Variants in HEATR5A observed in about 807,000 individuals in gnomAD.
HEATR5A encodes the protein HEAT repeat-containing protein 5A.
In HEATR5A, 178 loss-of-function variants were observed where a neutral mutation model predicts 218.8. The ratio of observed to expected loss-of-function variants is 0.81; its 90% CI spans 0.72 to 0.92. HEATR5A has a LOEUF of 0.92. Among genes scored for constraint, HEATR5A ranks in the 40% least tolerant of loss-of-function variants. The pLI, the probability that HEATR5A is intolerant of heterozygous loss-of-function variation, is 0.00. For missense variants in HEATR5A, 2,420 were observed against 2,418.9 expected, an observed-to-expected ratio of 1.00 and a Z score of -0.01; for synonymous variants, 864 against 871.6, an observed-to-expected ratio of 0.99 and a Z score of 0.15.
intron 6 of HEATR5A, among the ~76,000 whole-genome samples, chr14:31,393,837 C>T (rs1254600562): frequency 3.9e-5 from 6 of 152,038 alleles, no homozygotes; most frequent in East Asian, 1.9e-4. Flanking sequence ...TTAGTATAGA[C>T]GGGTCTCACC....
At position 31,359,013 on chromosome 14, in the gene HEATR5A, C is replaced by G; in HGVS notation, c.2116G>C (p.Ala706Pro). ...ILRELAADLT[A>P]PDIQVAASTF... ...GATGCTGCCACCTGAATATCAGGGG[C>G]AGTCAAGTCAGCAGCCAGCTCTCTG... is the stretch of plus-strand genomic sequence containing the variant. Residue 706 changes from alanine to proline, a missense_variant, in exon 15 of 36, where the codon GCC (alanine) becomes CCC (proline). Ala to Pro is a conservative substitution (Grantham distance 27, BLOSUM62 -1). Coordinates refer to ENST00000543095, the MANE Select transcript of HEATR5A (RefSeq NM_015473.4). The G allele has an allele frequency of 6.3e-7, 1 of 1,587,466 alleles. No individual in the cohort carries two copies. The highest frequency in any genetic ancestry group is 8.5e-7 in the Non-Finnish European group (1 of 1,173,928).
chr14:31,383,577 C>A lies in HEATR5A; in HGVS notation c.1540G>T (p.Ala514Ser). The A allele has an allele frequency of 1.2e-6, 2 of 1,613,968 alleles. No homozygotes were observed. Among genetic ancestry groups the A allele is most frequent in the South Asian group, 2.2e-5 (2 of 91,086 alleles). Reference protein sequence around the residue: ...AVTGFSFAVAALLGAVKHCPL... With the variant: ...AVTGFSFAVASLLGAVKHCPL... ...CAATGTTTTACTGCTCCCAACAAAG[C>A]TGCTACAGCAAAACTGAAGCCAGTC... The change falls in exon 10 of 36, where the codon GCT becomes TCT. Residue 514 changes from alanine to serine, a missense_variant. By Grantham distance (99) the Ala-to-Ser change is moderately conservative. Transcript: ENST00000543095.
At chr14:31,388,174 AAC>A (rs1368560654) in intron 7 of HEATR5A, among the ~76,000 whole-genome samples, 4 of 152,244 alleles carry the variant, frequency 2.6e-5, no homozygotes, top group African/African-American at 7.2e-5. Context: ...GTTCCTTAGA[AAC>A]ACACAGTTTA....
rs768647340 is a variant in HEATR5A, at chr14:31,306,874, C to A, written c.4824G>T (p.Leu1608Phe). The change falls in exon 31 of 36, where the codon TTG (leucine) becomes TTT (phenylalanine). Residue 1608 changes from leucine (L) to phenylalanine (F), a missense_variant. By Grantham distance (22) the Leu-to-Phe change is conservative. Transcript: ENST00000543095. ...PRSKIGSDQD[L>F]GIELLNVLHR... is the part of the protein sequence containing the mutation. ...GTAGAACATTCAGCAATTCTATACCCAAGTCCTATCATGGAAATCATGTAC... is the reference window on the plus strand; with the variant it reads ...GTAGAACATTCAGCAATTCTATACCAAAGTCCTATCATGGAAATCATGTAC... The A allele has an allele frequency of 1.9e-6, 3 of 1,602,202 alleles. No homozygotes were observed. The highest frequency in any genetic ancestry group is 2.6e-6 in the Non-Finnish European group (3 of 1,172,698).
chr14:31,396,503 CA>C (rs2139298066), intron 4 of HEATR5A, among the ~76,000 whole-genome samples: 1 of 152,198 alleles, frequency 6.6e-6, no homozygotes, highest in East Asian at 1.9e-4. Context: ...CTAAATGCCT[CA>C]AATCATATCT....
intron 25 of HEATR5A, chr14:31,320,565 G>A: frequency 2.3e-6 from 2 of 853,678 alleles, no homozygotes; most frequent in South Asian, 1.3e-5. Context: ...GCAGACACAG[G>A]CCTGATTAGA....
intron 22 of HEATR5A, among the ~76,000 whole-genome samples, chr14:31,336,598 C>T (rs1455511476): frequency 1.3e-5 from 2 of 152,004 alleles, no homozygotes; most frequent in Non-Finnish European, 1.5e-5. Context: ...ATCTTACTGG[C>T]TAAGAAATCC....
intron 2 of HEATR5A, among the ~76,000 whole-genome samples, chr14:31,400,781 T>C (rs960375919): frequency 1.2e-4 from 18 of 152,034 alleles, no homozygotes; most frequent in Admixed American, 2.0e-4. Flanking sequence ...AAGGGCTCTA[T>C]GTATTCGAAA....
intron 1 of HEATR5A, among the ~76,000 whole-genome samples, chr14:31,409,343 C>T (rs1456476695): frequency 5.9e-5 from 9 of 151,306 alleles, no homozygotes; most frequent in Admixed American, 3.3e-4. Context: ...CCACCATGCC[C>T]GGCCTCAGAG....
intron 22 of HEATR5A, among the ~76,000 whole-genome samples, chr14:31,336,038 A>G (rs936866930): frequency 1.3e-5 from 2 of 149,916 alleles, no homozygotes; most frequent in Non-Finnish European, 3.0e-5. Context: ...TGCAGTGCAT[A>G]ATAACTCACA....
chr14:31,332,306 T>C (rs1900500004), intron 22 of HEATR5A, among the ~76,000 whole-genome samples: 1 of 152,208 alleles, frequency 6.6e-6, no homozygotes, highest in Non-Finnish European at 1.5e-5. Flanking sequence ...AAATGTTGAG[T>C]GTGTTCTGAC....
intron 22 of HEATR5A, among the ~76,000 whole-genome samples, chr14:31,334,960 A>AG (rs1222690697): frequency 2.7e-4 from 41 of 151,296 alleles, no homozygotes; most frequent in Non-Finnish European, 5.0e-4. Flanking sequence ...AAAAAAAAAA[A>AG]AAAAAGAAAA....
rs539009469 is a variant in HEATR5A, at chr14:31,334,848, A to G, written c.3367+2628T>C. Among the ~76,000 whole-genome samples the G allele has an allele frequency of 8.8e-5, 13 of 148,112 alleles. No homozygotes were observed. The East Asian group carries it at 2.7e-3, about 31-fold the overall frequency. On this transcript the variant is annotated intron_variant, in intron 22 of 35. Coordinates refer to ENST00000543095, the MANE Select transcript of HEATR5A (RefSeq NM_015473.4). ...GTAGTCCCAGCTACTTGGGAGGCTG[A>G]GGCAGGAGAATGGCGGAAACCCGGG...
At chr14:31,394,541 C>A (rs1002082511) in intron 5 of HEATR5A, among the ~76,000 whole-genome samples, 1 of 152,042 alleles carries the variant, frequency 6.6e-6, no homozygotes. Flanking sequence ...TCTGGCTGGG[C>A]ACGGAGGCTC....
intron 3 of HEATR5A, among the ~76,000 whole-genome samples, chr14:31,399,540 G>A (rs1350897177): frequency 3.3e-5 from 5 of 152,144 alleles, no homozygotes; most frequent in Non-Finnish European, 5.9e-5. Flanking sequence ...ATAGAATTAT[G>A]ACATGGTGGC....
chr14:31,390,416 G>C (rs549675715), intron 6 of HEATR5A, among the ~76,000 whole-genome samples: 1 of 152,278 alleles, frequency 6.6e-6, no homozygotes, highest in South Asian at 2.1e-4. Flanking sequence ...ATGTAAGCAA[G>C]AGATGATAGT....
At chr14:31,376,587 C>T (rs1289456605) in intron 11 of HEATR5A, among the ~76,000 whole-genome samples, 1 of 152,002 alleles carries the variant, frequency 6.6e-6, no homozygotes, top group Non-Finnish European at 1.5e-5. Flanking sequence ...CACAGAAAGA[C>T]AAGATATGGA....
chr14:31,342,644 T>G (rs1401468607), intron 21 of HEATR5A, among the ~76,000 whole-genome samples: 1 of 152,134 alleles, frequency 6.6e-6, no homozygotes, highest in Non-Finnish European at 1.5e-5. Flanking sequence ...TGAGATAAGA[T>G]CTATCCATAA....
chr14:31,354,896 C>G (rs1901367488), intron 16 of HEATR5A, among the ~76,000 whole-genome samples: 1 of 152,074 alleles, frequency 6.6e-6, no homozygotes, highest in Admixed American at 6.5e-5. Flanking sequence ...CCATCCATTC[C>G]CAAGTGACAT....
Sources: gnomAD v4.1 joint callset for allele counts (sites outside exome capture counted in the v4.1 genomes callset) on GRCh38, gnomAD v4.1.1 for gene constraint, MANE v1.5 for transcripts, NCBI Gene and HGNC (gene_info 2026-07-23, HGNC 2026-07-21) for gene names.